The following ZBBX variants were observed in gnomAD, a reference collection of about 807,000 sequenced individuals.
ZBBX encodes zinc finger B-box domain containing.
A neutral mutation model predicts 108.5 loss-of-function variants in ZBBX; 101 were observed. That is an observed-to-expected ratio of 0.93 (90% CI 0.79 to 1.10). ZBBX has a LOEUF of 1.10. ZBBX is among the 50% of genes least tolerant of loss of function. The probability of loss-of-function intolerance (pLI) is 0.00; values close to 1 mark genes in which losing one functional copy is unlikely to be tolerated. For synonymous variants in ZBBX, 356 were observed against 323.4 expected, an observed-to-expected ratio of 1.10 and a Z score of -1.08; for missense variants, 1,009 against 941.4, an observed-to-expected ratio of 1.07 and a Z score of -0.94.
chr3:167,383,118 C>G (rs992630943), upstream of ZBBX, among the ~76,000 whole-genome samples: 1 of 151,990 alleles, frequency 6.6e-6, no homozygotes, highest in Non-Finnish European at 1.5e-5. Context: ...TTTGATAATA[C>G]CAAACCTTTG....
chr3:167,282,962 AT>A (rs1269607626), intron 19 of ZBBX, among the ~76,000 whole-genome samples: 2 of 152,228 alleles, frequency 1.3e-5, no homozygotes, highest in African/African-American at 4.8e-5. Context: ...TATGTAATTT[AT>A]TCTTACATTT....
intron 11 of ZBBX, among the ~76,000 whole-genome samples, chr3:167,327,363 G>A (rs1737586655): frequency 6.6e-6 from 1 of 151,954 alleles, no homozygotes. Context: ...TCTACTAGAA[G>A]AAGAACTGAA....
intron 9 of ZBBX, 149 bp from the exon 10 acceptor site, chr3:167,334,134 A>G (rs2108404939): frequency 1.7e-6 from 1 of 599,398 alleles, no homozygotes; most frequent in Non-Finnish European, 2.6e-6. Flanking sequence ...CATTTGTATC[A>G]ACAAGTATAA....
chr3:167,182,369 A>C, the ZBBX span, among the ~76,000 whole-genome samples: 1 of 152,164 alleles, frequency 6.6e-6, no homozygotes, highest in Non-Finnish European at 1.5e-5. Context: ...TAACCGCAAC[A>C]CTATATCCCG....
chr3:167,184,733 C>T, the ZBBX span, among the ~76,000 whole-genome samples: 4 of 151,942 alleles, frequency 2.6e-5, no homozygotes, highest in East Asian at 1.9e-4. Flanking sequence ...CAGTGGGAGC[C>T]GCAGTGGCAA....
chr3:167,248,296 C>A (rs374117802), intron 20 of ZBBX, among the ~76,000 whole-genome samples: 1 of 152,196 alleles, frequency 6.6e-6, no homozygotes, highest in Non-Finnish European at 1.5e-5. Context: ...TCACCCACCA[C>A]GCTAATGGAA....
intron 14 of ZBBX, among the ~76,000 whole-genome samples, chr3:167,316,605 T>C (rs1735507356): frequency 6.6e-6 from 1 of 152,066 alleles, no homozygotes; most frequent in Non-Finnish European, 1.5e-5. Context: ...AAAATAATAT[T>C]AAATGACATT....
At chr3:167,301,488 A>T (rs1159520724) in intron 17 of ZBBX, among the ~76,000 whole-genome samples, 1 of 152,136 alleles carries the variant, frequency 6.6e-6, no homozygotes, top group Non-Finnish European at 1.5e-5. Flanking sequence ...TTACTGCTTT[A>T]TTACTTTTGA....
intron 20 of ZBBX, among the ~76,000 whole-genome samples, chr3:167,245,370 A>G (rs939355337): frequency 6.6e-5 from 10 of 152,046 alleles, no homozygotes; most frequent in African/African-American, 2.2e-4. Context: ...ACCTATTTCT[A>G]ACACTTTAGC....
At chr3:167,343,648 A>C (rs1184398822) in intron 9 of ZBBX, among the ~76,000 whole-genome samples, 1 of 151,922 alleles carries the variant, frequency 6.6e-6, no homozygotes, top group Non-Finnish European at 1.5e-5. Context: ...TAGTCATCAA[A>C]ATGCAAACCA....
At chr3:167,271,627 G>A (rs1311205826) in intron 20 of ZBBX, among the ~76,000 whole-genome samples, 1 of 152,152 alleles carries the variant, frequency 6.6e-6, no homozygotes, top group East Asian at 1.9e-4. Context: ...AGTTCTCAGA[G>A]TTCATGGGTG....
chr3:167,402,088 C>T (rs1480774517), intron 1 of ZBBX, among the ~76,000 whole-genome samples: 5 of 152,028 alleles, frequency 3.3e-5, no homozygotes, highest in African/African-American at 4.8e-5. Flanking sequence ...CAGTGGAGAT[C>T]GTGGGCTACA....
At chr3:167,237,700 G>A (rs1720287717), downstream of ZBBX, among the ~76,000 whole-genome samples, 1 of 151,836 alleles carries the variant, frequency 6.6e-6, no homozygotes, top group African/African-American at 2.4e-5. Context: ...AAGCAGAAGG[G>A]GGCCTAGTCT....
the ZBBX span, among the ~76,000 whole-genome samples, chr3:167,216,197 T>A: frequency 6.6e-6 from 1 of 152,074 alleles, no homozygotes; most frequent in East Asian, 1.9e-4. Flanking sequence ...TCTGTTTGCA[T>A]ATGACATGAT....
In ZBBX at chr3:167,348,350, A is replaced by AAG. The variant is rs1174061568; in HGVS notation, c.528+2068_528+2069dup. Among the ~76,000 whole-genome samples, 53 of 117,198 alleles carry AAG rather than the reference A, an allele frequency of 4.5e-4. 1 individual carries two copies. Among genetic ancestry groups the AAG allele is most frequent in the Non-Finnish European group, 3.2e-4 (18 of 56,814 alleles). The allele number at this position is 117,198 out of a possible 152,430, so 76.9% of individuals were successfully genotyped here. On this transcript the variant is annotated intron_variant, in intron 9 of 21. Coordinates refer to ENST00000675490, the MANE Select transcript of ZBBX (RefSeq NM_001199201.2). ...AAAGAAAGAAAGAAAGAAAGAAAGA[A>AAG]AGAAAGAAAGAAAGAAAGAAAAAAA...
In ZBBX at chr3:167,350,423, C is replaced by A. The variant is rs745682733; in HGVS notation, c.525G>T (p.Leu175Phe). ...GALKLHRTTLLQAKSQILFNV... is the reference protein window; with the variant it reads ...GALKLHRTTLFQAKSQILFNV... ...AAATCATTTTAGAAAGCCATACCTG[C>A]AAAAGAGTTGTTCTGTGGAGCTTTA... Residue 175 changes from leucine (L) to phenylalanine (F), a missense_variant, in exon 9 of 22, where the codon TTG becomes TTT. Coordinates refer to ENST00000675490, the MANE Select transcript of ZBBX (RefSeq NM_001199201.2). The A allele has an allele frequency of 2.5e-6, 4 of 1,588,434 alleles. No individual in the cohort carries two copies. Among genetic ancestry groups the A allele is most frequent in the Admixed American group, 1.7e-5 (1 of 58,680 alleles).
chr3:167,337,160 G>GAAGTTC (rs1225756623), intron 9 of ZBBX, among the ~76,000 whole-genome samples: 1 of 152,068 alleles, frequency 6.6e-6, no homozygotes, highest in Non-Finnish European at 1.5e-5. Context: ...ATTAAAATTC[G>GAAGTTC]AAGTTCATTT....
the ZBBX span, among the ~76,000 whole-genome samples, chr3:167,216,331 C>T: frequency 7.9e-4 from 120 of 151,832 alleles, no homozygotes; most frequent in African/African-American, 2.6e-3. Flanking sequence ...TATACACCAC[C>T]GACAACCAAA....
At chr3:167,390,760 T>G (rs1748061801) in intron 1 of ZBBX, among the ~76,000 whole-genome samples, 2 of 152,126 alleles carry the variant, frequency 1.3e-5, no homozygotes, top group Non-Finnish European at 2.9e-5. Context: ...CAGTTGTGAA[T>G]GGGAGTTCAC....
Sources: gnomAD v4.1 joint callset for allele counts (sites outside exome capture counted in the v4.1 genomes callset) on GRCh38, gnomAD v4.1.1 for gene constraint, MANE v1.5 for transcripts, NCBI Gene and HGNC (gene_info 2026-07-23, HGNC 2026-07-21) for gene names.